LAMC3: variants seen among roughly 807,000 people sequenced by gnomAD.
The protein encoded by LAMC3 is laminin subunit gamma-3.
In LAMC3, 128 loss-of-function variants were observed where a neutral mutation model predicts 173.8. That is an observed-to-expected ratio of 0.74 (90% CI 0.64 to 0.85). LAMC3 has a LOEUF of 0.85. Ranked by LOEUF, LAMC3 falls within the 40% of genes least tolerant of loss-of-function variation. The pLI, the probability that LAMC3 is intolerant of heterozygous loss-of-function variation, is 0.00. For synonymous variants in LAMC3, 897 were observed against 909.1 expected (o/e 0.99, Z 0.24); for missense variants, 2,022 against 2,156.0 (o/e 0.94, Z 1.23).
At chr9:131,091,356 G>T (rs574612282) in intron 27 of LAMC3, among the ~76,000 whole-genome samples, 181 bp from the exon 28 acceptor site, 1 of 152,248 alleles carries the variant, frequency 6.6e-6, no homozygotes, top group Non-Finnish European at 1.5e-5. Flanking sequence ...CCATGGGCCC[G>T]TTGGGATGCT....
chr9:131,030,506 C>A (rs577018215), intron 2 of LAMC3, among the ~76,000 whole-genome samples: 1 of 152,250 alleles, frequency 6.6e-6, no homozygotes, highest in East Asian at 1.9e-4. Context: ...AAGCTGGGAC[C>A]CTGGGATCAG....
Position 131,087,362 on chromosome 9 carries a change from A to T in LAMC3, c.4231-114A>T, listed in dbSNP as rs72768541. ...TATTTGTTGCGTGCATGAATGAATG[A>T]ATGATCTGCCTGGTACAGACAACTG... On this transcript the variant is annotated intron_variant, in intron 25 of 27. Coordinates refer to ENST00000361069, the MANE Select transcript of LAMC3 (RefSeq NM_006059.4). 10 of 1,332,504 alleles carry T rather than the reference A, an allele frequency of 7.5e-6. 1 individual carries two copies. In the South Asian group the frequency reaches 8.3e-5, roughly 11 times the overall value. 82.5% of individuals were successfully genotyped at this position (1,332,504 alleles called of 1,614,324 possible). A position where few individuals can be genotyped will look rare whatever the true frequency, so the allele number is the denominator to read the frequency against.
At position 131,091,622 on chromosome 9, in the gene LAMC3, C is replaced by T. The variant is rs779808018; in HGVS notation, c.4563C>T (p.Ser1521=). 2 of 1,597,420 alleles carry T rather than the reference C, an allele frequency of 1.3e-6. No individual in the cohort carries two copies. The highest frequency in any genetic ancestry group is 2.3e-5 in the East Asian group (1 of 44,370). The change falls in exon 28 of 28, where the codon TCC becomes TCT. Residue 1521 remains serine (S), a synonymous_variant. Transcript: ENST00000361069. ...ALERLRLQLG[S]PGSLQRKLSL... is the part of the protein sequence containing the mutation. Reference sequence around the variant, plus strand: ...AACGCCTGAGGCTGCAGCTGGGCTCCCCGGGGTCCTTGCAGAGGAAACTCA... The same window carrying T: ...AACGCCTGAGGCTGCAGCTGGGCTCTCCGGGGTCCTTGCAGAGGAAACTCA...
chr9:131,010,152 C>CAAAA (rs35239233), intron 1 of LAMC3, among the ~76,000 whole-genome samples: 1 of 39,578 alleles, frequency 2.5e-5, no homozygotes, highest in African/African-American at 6.3e-5. Flanking sequence ...AACTCCGTCT[C>CAAAA]AAAAAAAAAA....
chr9:131,050,896 G>A (rs140659773), intron 9 of LAMC3, among the ~76,000 whole-genome samples: 61 of 152,362 alleles, frequency 4.0e-4, no homozygotes, highest in African/African-American at 1.2e-3. Context: ...ACCATCTCAC[G>A]TGTAGAACGT....
intron 23 of LAMC3, among the ~76,000 whole-genome samples, chr9:131,080,653 C>T (rs961368990): frequency 6.6e-6 from 1 of 152,088 alleles, no homozygotes; most frequent in South Asian, 2.1e-4. Context: ...GAGCTGAGCC[C>T]AGTGCCTGCC....
intron 2 of LAMC3, among the ~76,000 whole-genome samples, chr9:131,030,324 G>A (rs1833803277): frequency 6.6e-6 from 1 of 152,224 alleles, no homozygotes; most frequent in African/African-American, 2.4e-5. Flanking sequence ...CTATGTCTCA[G>A]AGATTTTGAC....
At chr9:131,054,923 G>A (rs550949546) in intron 11 of LAMC3, among the ~76,000 whole-genome samples, 88 of 152,288 alleles carry the variant, frequency 5.8e-4, no homozygotes, top group African/African-American at 1.5e-3. Context: ...CTAACAGTGC[G>A]TCGTGGAGGT....
chr9:131,064,874 C>G (rs1486229301), intron 13 of LAMC3, among the ~76,000 whole-genome samples: 1 of 151,618 alleles, frequency 6.6e-6, no homozygotes, highest in Admixed American at 6.6e-5. Context: ...GAACCCGTCT[C>G]TAGTGAAAAT....
chr9:131,087,443 T>G (rs199890793), intron 25 of LAMC3, 33 bp from the exon 26 acceptor site: 194 of 1,613,268 alleles, frequency 1.2e-4, no homozygotes, highest in Non-Finnish European at 1.5e-4. Context: ...CTGCACTCAC[T>G]TCTTCTCCCT....
Position 131,026,704 on chromosome 9 carries a change from T to C in LAMC3, c.678+115T>C, listed in dbSNP as rs1185009234. On this transcript the variant is annotated intron_variant, in intron 2 of 27. Transcript: ENST00000361069. The surrounding 1 kb of genome is among the most constrained non-coding windows in gnomAD (Gnocchi z 4.8). ...TGGGGGACCTGCAAAACCCCATGGT[T>C]TTCTTTTTCTTCTTTTATTTTTGGA... 14 of 1,416,844 alleles carry C rather than the reference T, an allele frequency of 9.9e-6. No individual in the cohort carries two copies. The highest frequency in any genetic ancestry group is 1.1e-5 in the Non-Finnish European group (12 of 1,084,778). The allele number at this position is 1,416,844 out of a possible 1,614,324, so 87.8% of individuals were successfully genotyped here.
At position 131,009,363 on chromosome 9, in the gene LAMC3, CCTCGCACACGTGCGGCAGCCCG is replaced by C; in HGVS notation, c.151_172del (p.Ser51ProfsTer67). 6.6e-7 allele frequency: 1 copy of C among 1,521,064 alleles called. No homozygotes were observed. The highest frequency in any genetic ancestry group is 8.8e-7 in the Non-Finnish European group (1 of 1,139,784). 94.2% of individuals were successfully genotyped at this position (1,521,064 alleles called of 1,614,324 possible). ...GCGGCGTTTGGGCGGCTCGCCCAGG[CCTCGCACACGTGCGGCAGCCCG>C]CCCGAGGACTTCTGTCCCCACGTGG... On this transcript the variant is annotated frameshift_variant, in exon 1 of 28. Transcript: ENST00000361069. LOFTEE classifies it high-confidence loss of function. This position sits in a 1 kb window ranked among gnomAD's most constrained non-coding sequence, Gnocchi z 4.3.
intron 13 of LAMC3, among the ~76,000 whole-genome samples, chr9:131,064,664 CAAAA>C (rs36112492): frequency 9.2e-5 from 3 of 32,474 alleles, no homozygotes; most frequent in African/African-American, 2.4e-4. Flanking sequence ...ACTCCGTCTC[CAAAA>C]AAAAAAAAAA....
intron 3 of LAMC3, among the ~76,000 whole-genome samples, chr9:131,035,947 A>G (rs1274740359): frequency 6.6e-6 from 1 of 152,136 alleles, no homozygotes; most frequent in Non-Finnish European, 1.5e-5. Context: ...GGGGGTGGTA[A>G]CAGGCTGGTG....
chr9:131,032,529 TCGC>T (rs1833847939), intron 3 of LAMC3, among the ~76,000 whole-genome samples: 8 of 145,832 alleles, frequency 5.5e-5, no homozygotes, highest in African/African-American at 2.2e-4. Context: ...TTGCTCTCTC[TCGC>T]TGTCTCTCTC....
intron 9 of LAMC3, among the ~76,000 whole-genome samples, chr9:131,050,327 C>T (rs954596718): frequency 2.6e-5 from 4 of 152,148 alleles, no homozygotes; most frequent in East Asian, 1.9e-4. Context: ...CTGTTGCTTA[C>T]GGTGGGGACA....
chr9:131,077,837 C>G (rs1830162320), intron 22 of LAMC3, among the ~76,000 whole-genome samples: 1 of 151,934 alleles, frequency 6.6e-6, no homozygotes, highest in Non-Finnish European at 1.5e-5. Context: ...AGAGTCAGAG[C>G]TCAACCATTT....
chr9:131,021,893 G>A (rs565754542), intron 1 of LAMC3, among the ~76,000 whole-genome samples: 2 of 152,288 alleles, frequency 1.3e-5, no homozygotes, highest in East Asian at 3.9e-4. Context: ...GGTGAGGAAC[G>A]GTGAAGGGAC....
intron 9 of LAMC3, among the ~76,000 whole-genome samples, chr9:131,051,426 G>A (rs967828654): frequency 7.4e-5 from 11 of 147,828 alleles, no homozygotes; most frequent in Admixed American, 1.4e-4. Context: ...GTGCATTGGC[G>A]TGGTCTTGGC....
Sources: allele counts gnomAD v4.1 joint callset (sites outside exome capture counted in the v4.1 genomes callset), GRCh38; gene constraint gnomAD v4.1.1; non-coding constraint Gnocchi (gnomAD v3.1); transcripts MANE v1.5; gene names NCBI Gene and HGNC (gene_info 2026-07-23, HGNC 2026-07-21).